The following RHOH variants were observed in gnomAD, a reference collection of about 807,000 sequenced individuals.
RHOH encodes rho-related GTP-binding protein RhoH.
In RHOH, 6 loss-of-function variants were observed where a neutral mutation model predicts 13.8. The observed-to-expected ratio is 0.44, with a 90% confidence interval of 0.24 to 0.86. The LOEUF is 0.86. RHOH is among the 40% of genes least tolerant of loss of function. The probability of loss-of-function intolerance (pLI) is 0.24; values close to 1 mark genes in which losing one functional copy is unlikely to be tolerated. For missense variants in RHOH, 147 were observed against 244.5 expected, an observed-to-expected ratio of 0.60 and a Z score of 2.66; for synonymous variants, 117 against 103.0, an observed-to-expected ratio of 1.14 and a Z score of -0.82.
Position 40,230,829 on chromosome 4 carries a change from G to A in RHOH, c.-330-11885G>A, listed in dbSNP as rs1023092271. 2.0e-5 allele frequency among the ~76,000 whole-genome samples: 3 copies of A among 152,070 alleles called. No homozygotes were observed. The East Asian group carries it at 5.8e-4, about 29-fold the overall frequency. ...ACCTTTAAAAGGGAATCAGAAGTTG[G>A]AGTTAGTGCTTCTAGGAATTGTAAA... is the stretch of plus-strand genomic sequence containing the variant. On this transcript the variant is annotated intron_variant, in intron 1 of 2. Coordinates refer to ENST00000381799, the MANE Select transcript of RHOH (RefSeq NM_004310.5).
intron 1 of RHOH, among the ~76,000 whole-genome samples, chr4:40,230,054 T>C (rs1448544649): frequency 6.6e-6 from 1 of 151,460 alleles, no homozygotes; most frequent in African/African-American, 2.4e-5. Flanking sequence ...AAGGACTTCT[T>C]TTTTTTTTGA....
At chr4:40,210,753 G>A (rs1011741021) in intron 1 of RHOH, among the ~76,000 whole-genome samples, 7 of 152,134 alleles carry the variant, frequency 4.6e-5, no homozygotes, top group Admixed American at 6.5e-5. Flanking sequence ...TATTGCTTTT[G>A]TGGGAGGGAA....
intron 1 of RHOH, among the ~76,000 whole-genome samples, chr4:40,208,656 T>A (rs1724918087): frequency 6.6e-6 from 1 of 152,176 alleles, no homozygotes; most frequent in African/African-American, 2.4e-5. Context: ...GCAACATGAA[T>A]GATCAGCTTT....
chr4:40,212,730 A>G (rs1227164298), intron 1 of RHOH: 1 of 152,208 alleles, frequency 6.6e-6, no homozygotes, highest in East Asian at 1.9e-4. Context: ...TGGAAGATAT[A>G]TTTGGTAGGG....
At chr4:40,198,860 C>T (rs940193002) in intron 1 of RHOH, among the ~76,000 whole-genome samples, 1 of 152,194 alleles carries the variant, frequency 6.6e-6, no homozygotes, top group Admixed American at 6.5e-5. Context: ...AATGAGATGG[C>T]ACGGGTATGC....
intron 1 of RHOH, among the ~76,000 whole-genome samples, chr4:40,235,998 A>G (rs1220992473): frequency 2.6e-5 from 3 of 113,634 alleles, no homozygotes; most frequent in Admixed American, 9.3e-5. Context: ...AAAAAAAAAA[A>G]GAAAAAAAAA....
chr4:40,230,013 A>G (rs1022344875), intron 1 of RHOH, among the ~76,000 whole-genome samples: 3 of 152,152 alleles, frequency 2.0e-5, no homozygotes, highest in Admixed American at 2.0e-4. Context: ...GGCCATATTC[A>G]TATTTATTTG....
At chr4:40,195,499 G>T (rs1198653732), upstream of RHOH, among the ~76,000 whole-genome samples, 1 of 149,806 alleles carries the variant, frequency 6.7e-6, no homozygotes, top group Non-Finnish European at 1.5e-5. Flanking sequence ...GTCTTGCTGT[G>T]TCCCCAGGCT....
At chr4:40,202,100 G>A (rs1393342215) in intron 1 of RHOH, among the ~76,000 whole-genome samples, 2 of 151,716 alleles carry the variant, frequency 1.3e-5, no homozygotes, top group African/African-American at 4.8e-5. Flanking sequence ...ACAGGCGTGT[G>A]CCACCACACT....
chr4:40,238,394 A>G (rs75184049), intron 1 of RHOH, among the ~76,000 whole-genome samples: 2,372 of 152,350 alleles, frequency 0.016, 45 homozygotes, highest in African/African-American at 0.054. Flanking sequence ...AATTGAGGCC[A>G]AAAGGAAACC....
chr4:40,215,000 A>G (rs1725709599), intron 1 of RHOH, among the ~76,000 whole-genome samples: 1 of 152,180 alleles, frequency 6.6e-6, no homozygotes, highest in Non-Finnish European at 1.5e-5. Context: ...ATATATAAGC[A>G]AATCTTGTGA....
Position 40,244,068 on chromosome 4 carries a change from C to T in RHOH, c.*106C>T, listed in dbSNP as rs1729593954. ...CTTGGTGTTTTCTCTGGGTACACCCCAAGCAGCGTCTCCTTTTGGATACAG... is the reference window on the plus strand; with the variant it reads ...CTTGGTGTTTTCTCTGGGTACACCCTAAGCAGCGTCTCCTTTTGGATACAG... On this transcript the variant is annotated 3_prime_UTR_variant, in exon 3 of 3. Transcript: ENST00000381799. The T allele has an allele frequency of 1.2e-6, 1 of 845,522 alleles. No individual in the cohort carries two copies. Among genetic ancestry groups the T allele is most frequent in the African/African-American group, 1.7e-5 (1 of 58,000 alleles). The allele number at this position is 845,522 out of a possible 1,614,324, so 52.4% of individuals were successfully genotyped here. A position where few individuals can be genotyped will look rare whatever the true frequency, so the allele number is the denominator to read the frequency against.
upstream of RHOH, chr4:40,196,786 G>A (rs1257498388): frequency 6.7e-6 from 1 of 149,614 alleles, no homozygotes; most frequent in Non-Finnish European, 1.5e-5. Flanking sequence ...GGGCTTTGCT[G>A]GAGGAAAATG....
At chr4:40,209,188 A>G (rs1172420428) in intron 1 of RHOH, among the ~76,000 whole-genome samples, 2 of 152,160 alleles carry the variant, frequency 1.3e-5, no homozygotes, top group Admixed American at 1.3e-4. Flanking sequence ...TAAGTCTATA[A>G]TTAAATTGTA....
chr4:40,208,262 A>G (rs1579250409), intron 1 of RHOH, among the ~76,000 whole-genome samples: 2 of 152,312 alleles, frequency 1.3e-5, no homozygotes, highest in Middle Eastern at 6.8e-3. Flanking sequence ...ATTTCTCAAC[A>G]GGTACGTAGC....
rs531713323 is a variant in RHOH, at chr4:40,214,876, G to A, written c.-331+17576G>A. On this transcript the variant is annotated intron_variant, in intron 1 of 2. Transcript: ENST00000381799. ...GACCAGGGAATGTCTTGGTGTCATA[G>A]CTTGGCTTTCCAATGGCTCTCCCCG... 3.2e-4 allele frequency among the ~76,000 whole-genome samples: 48 copies of A among 152,252 alleles called. 1 individual carries two copies. Among genetic ancestry groups the A allele is most frequent in the Admixed American group, 2.5e-3 (39 of 15,306 alleles).
At chr4:40,229,003 T>C (rs944620876) in intron 1 of RHOH, among the ~76,000 whole-genome samples, 1 of 152,206 alleles carries the variant, frequency 6.6e-6, no homozygotes, top group Admixed American at 6.5e-5. Flanking sequence ...TTGGGTCATC[T>C]CAGGGGCCTC....
chr4:40,228,164 T>C (rs530838624), intron 1 of RHOH, among the ~76,000 whole-genome samples: 45 of 152,314 alleles, frequency 3.0e-4, no homozygotes, highest in African/African-American at 1.1e-3. Context: ...AATCTTGACA[T>C]AGAATGTTAA....
chr4:40,231,126 T>TCTAGACATTTTCACAG (rs1358593707), intron 1 of RHOH, among the ~76,000 whole-genome samples: 4 of 152,044 alleles, frequency 2.6e-5, no homozygotes, highest in African/African-American at 9.7e-5. Flanking sequence ...TGGGCACCAC[T>TCTAGACATTTTCACAG]CTAGACATTT....
Sources: gnomAD v4.1 joint callset for allele counts (sites outside exome capture counted in the v4.1 genomes callset) on GRCh38, gnomAD v4.1.1 for gene constraint, MANE v1.5 for transcripts, NCBI Gene and HGNC (gene_info 2026-07-23, HGNC 2026-07-21) for gene names.